Variants in TCF4 observed in about 807,000 individuals in gnomAD.
The protein encoded by TCF4 is transcription factor 4, also known as SL3-3 enhancer factor 2.
Under a neutral mutation model 82.1 loss-of-function variants are expected in TCF4, and 3 were observed. That is an observed-to-expected ratio of 0.04 (90% CI 0.02 to 0.09). The LOEUF (loss-of-function observed/expected upper bound fraction) is 0.09. TCF4 is among the 10% of genes least tolerant of loss of function. TCF4 has a pLI of 1.00. For synonymous variants in TCF4, 276 were observed against 309.6 expected, an observed-to-expected ratio of 0.89 and a Z score of 1.14; for missense variants, 518 against 852.7, an observed-to-expected ratio of 0.61 and a Z score of 4.89.
At chr18:55,612,814 G>A (rs2097708338) in intron 2 of TCF4, among the ~76,000 whole-genome samples, 1 of 151,982 alleles carries the variant, frequency 6.6e-6, no homozygotes, top group Non-Finnish European at 1.5e-5. Flanking sequence ...TGGGCGTGGT[G>A]GTGCGTGCCT....
At chr18:55,337,912 C>T (rs1190271787) in intron 8 of TCF4, among the ~76,000 whole-genome samples, 1 of 152,018 alleles carries the variant, frequency 6.6e-6, no homozygotes, top group African/African-American at 2.4e-5. Context: ...GCTCTTGGAA[C>T]AGCTGTACTG....
chr18:55,290,207 A>C (rs2064723020), intron 8 of TCF4, among the ~76,000 whole-genome samples: 2 of 152,340 alleles, frequency 1.3e-5, no homozygotes, highest in South Asian at 4.1e-4. Flanking sequence ...ATTCTAGTCC[A>C]CAGGTTGATG....
chr18:55,295,636 T>G (rs927611517), intron 8 of TCF4, among the ~76,000 whole-genome samples: 1 of 152,186 alleles, frequency 6.6e-6, no homozygotes, highest in African/African-American at 2.4e-5. Flanking sequence ...CCTCGTCACA[T>G]TCATGATAAA....
In TCF4 at chr18:55,298,981, A is replaced by G. The variant is rs536756148; in HGVS notation, c.550-19325T>C. 3.9e-5 allele frequency among the ~76,000 whole-genome samples: 6 copies of G among 152,350 alleles called. No homozygotes were observed. The South Asian group carries it at 1.2e-3, about 32-fold the overall frequency. ...CATTTCCCTACAATTTAGGTCAATA[A>G]CTTAAGTTTTTTAGTTTCTACTACC... On this transcript the variant is annotated intron_variant, in intron 8 of 19. Coordinates refer to ENST00000354452, the MANE Select transcript of TCF4 (RefSeq NM_001083962.2).
In TCF4 at chr18:55,403,627, T is replaced by C. The variant is rs756210348; in HGVS notation, c.305-109A>G. The C allele has an allele frequency of 5.6e-6, 9 of 1,607,830 alleles. No homozygotes were observed. The African/African-American group carries it at 1.1e-4, about 19-fold the overall frequency. ...TTCCCCGATGTTTACATACGTAAAG[T>C]AGGCACTACTGGCAATGTATGCAAG... On this transcript the variant is annotated intron_variant, in intron 5 of 19. Transcript: ENST00000354452.
chr18:55,370,173 G>A (rs1212094316), intron 6 of TCF4, among the ~76,000 whole-genome samples: 1 of 152,214 alleles, frequency 6.6e-6, no homozygotes, highest in Non-Finnish European at 1.5e-5. Flanking sequence ...TGAGGCAGGA[G>A]GATCGCTTGA....
intron 5 of TCF4, among the ~76,000 whole-genome samples, chr18:55,411,933 G>T (rs1420663044): frequency 6.6e-6 from 1 of 152,016 alleles, no homozygotes; most frequent in Non-Finnish European, 1.5e-5. Flanking sequence ...TAGAGATGGG[G>T]TTTCACCATG....
chr18:55,474,736 T>C (rs1041659826), intron 3 of TCF4, among the ~76,000 whole-genome samples: 1 of 151,796 alleles, frequency 6.6e-6, no homozygotes, highest in African/African-American at 2.4e-5. Flanking sequence ...TCCCATATTT[T>C]ACATTTTTAT....
chr18:55,608,331 A>T (rs1225123696), intron 2 of TCF4, among the ~76,000 whole-genome samples: 1 of 150,542 alleles, frequency 6.6e-6, no homozygotes, highest in Non-Finnish European at 1.5e-5. Flanking sequence ...TTTATAATGC[A>T]GGGAGAAAAT....
At chr18:55,622,708 A>C (rs1297392937) in intron 2 of TCF4, among the ~76,000 whole-genome samples, 1 of 152,154 alleles carries the variant, frequency 6.6e-6, no homozygotes, top group Non-Finnish European at 1.5e-5. Context: ...CTGGGTCTCC[A>C]GATTTTCCAT....
At chr18:55,321,446 A>C (rs1484273651) in intron 8 of TCF4, 1 of 664,482 alleles carries the variant, frequency 1.5e-6, no homozygotes, top group Non-Finnish European at 2.6e-6. Flanking sequence ...CTCTGAAAGC[A>C]TCTATTTTTC....
chr18:55,536,978 C>T (rs1025472141), intron 3 of TCF4, among the ~76,000 whole-genome samples: 2 of 151,868 alleles, frequency 1.3e-5, no homozygotes, highest in African/African-American at 4.8e-5. Context: ...ACTAAAAATA[C>T]AGAAAATTAG....
chr18:55,469,222 G>C (rs1232585111), intron 3 of TCF4, among the ~76,000 whole-genome samples: 3 of 152,120 alleles, frequency 2.0e-5, no homozygotes, highest in Admixed American at 6.5e-5. Context: ...CCAGCACTTT[G>C]AGATGCCGAG....
intron 2 of TCF4, among the ~76,000 whole-genome samples, chr18:55,625,919 C>A (rs1169368542): frequency 1.3e-5 from 2 of 152,226 alleles, no homozygotes; most frequent in Non-Finnish European, 2.9e-5. Flanking sequence ...CAGATTCAGG[C>A]AAGTGGACTG....
chr18:55,380,807 A>G (rs1380377657), intron 6 of TCF4, among the ~76,000 whole-genome samples: 1 of 152,208 alleles, frequency 6.6e-6, no homozygotes, highest in Admixed American at 6.5e-5. Flanking sequence ...AACTATTAAC[A>G]TCTATCCTTC....
chr18:55,227,022 T>C lies in TCF4; in HGVS notation c.*1013A>G, dbSNP rs1266004509. 1.3e-5 allele frequency: 2 copies of C among 152,606 alleles called. No individual in the cohort carries two copies. The highest frequency in any genetic ancestry group is 4.8e-5 in the African/African-American group (2 of 41,440). 9.5% of individuals were successfully genotyped at this position (152,606 alleles called of 1,614,324 possible). ...AGGTTCACAAACGCAACATTACAAT[T>C]CAGACAAACTCTTTTTGCCATGTCT... On this transcript the variant is annotated 3_prime_UTR_variant, in exon 20 of 20. Coordinates refer to ENST00000354452, the MANE Select transcript of TCF4 (RefSeq NM_001083962.2).
intron 3 of TCF4, 102 bp from the exon 4 acceptor site, chr18:55,464,239 T>A: frequency 1.9e-6 from 2 of 1,060,712 alleles, no homozygotes; most frequent in Non-Finnish European, 2.9e-6. Flanking sequence ...CTGTTGCCTT[T>A]AATTAAGAAC....
intron 6 of TCF4, among the ~76,000 whole-genome samples, chr18:55,378,868 A>G (rs1046603991): frequency 6.6e-6 from 1 of 152,230 alleles, no homozygotes; most frequent in African/African-American, 2.4e-5. Flanking sequence ...TGCAAAGAAG[A>G]AAGTGTTCAA....
Position 55,228,239 on chromosome 18 carries a change from T to C in TCF4, c.2002A>G (p.Met668Val), listed in dbSNP as rs1192914780. 6.2e-7 allele frequency: 1 copy of C among 1,614,038 alleles called. No individual in the cohort carries two copies. Among genetic ancestry groups the C allele is most frequent in the Non-Finnish European group, 8.5e-7 (1 of 1,180,010 alleles). ...HPGMGDASNH[M>V]GQM ...AACTTGCCCTTTTACATCTGTCCCA[T>C]GTGATTCGATGCGTCTCCCATTCCA... The change falls in exon 19 of 20, where the codon ATG (methionine) becomes GTG (valine). Residue 668 changes from methionine (M) to valine (V), a missense_variant. Transcript: ENST00000354452.
Sources: gnomAD v4.1 joint callset for allele counts (sites outside exome capture counted in the v4.1 genomes callset) on GRCh38, gnomAD v4.1.1 for gene constraint, MANE v1.5 for transcripts, NCBI Gene and HGNC (gene_info 2026-07-23, HGNC 2026-07-21) for gene names.